CORO1C: variants seen among roughly 807,000 people sequenced by gnomAD.
CORO1C encodes the protein coronin-1C.
A neutral mutation model predicts 51.2 loss-of-function variants in CORO1C; 14 were observed. The ratio of observed to expected loss-of-function variants is 0.27; its 90% confidence interval spans 0.18 to 0.43. The LOEUF (loss-of-function observed/expected upper bound fraction) is 0.43. Among genes scored for constraint, CORO1C ranks in the 20% least tolerant of loss-of-function variants. The probability of loss-of-function intolerance (pLI) is 1.00; values close to 1 mark genes in which losing one functional copy is unlikely to be tolerated. For synonymous variants in CORO1C, 181 were observed against 210.5 expected (o/e 0.86, Z 1.21); for missense variants, 417 against 607.8 (o/e 0.69, Z 3.30).
At chr12:108,647,970 G>A (rs2032445388) in intron 10 of CORO1C, among the ~76,000 whole-genome samples, 1 of 152,184 alleles carries the variant, frequency 6.6e-6, no homozygotes, top group East Asian at 1.9e-4. Context: ...CTTCTTGGGA[G>A]GGAAACCCTT....
At chr12:108,656,457 C>T (rs2033019255) in intron 6 of CORO1C, among the ~76,000 whole-genome samples, 1 of 151,556 alleles carries the variant, frequency 6.6e-6, no homozygotes, top group South Asian at 2.1e-4. Flanking sequence ...CCGGCCACCA[C>T]CCCATCCGGG....
chr12:108,727,373 T>C (rs566973646), intron 1 of CORO1C, among the ~76,000 whole-genome samples: 55 of 152,312 alleles, frequency 3.6e-4, no homozygotes, highest in African/African-American at 1.3e-3. Flanking sequence ...AGAAAGGCGA[T>C]GAAGTAATAA....
intron 1 of CORO1C, among the ~76,000 whole-genome samples, chr12:108,717,447 G>C (rs185475941): frequency 6.6e-6 from 1 of 152,336 alleles, no homozygotes; most frequent in Non-Finnish European, 1.5e-5. Flanking sequence ...AGCTCACGCT[G>C]AATGAAGCTG....
Position 108,679,357 on chromosome 12 carries a change from T to C in CORO1C, c.196-963A>G, listed in dbSNP as rs570114008. ...TGATTAAGAATAAAATGCTTAATGT[T>C]GGTCATAAATAGCTACCACAATTTG... On this transcript the variant is annotated intron_variant, in intron 2 of 10. Coordinates refer to ENST00000261401, the MANE Select transcript of CORO1C (RefSeq NM_014325.4). 3.3e-5 allele frequency among the ~76,000 whole-genome samples: 5 copies of C among 152,270 alleles called. No individual in the cohort carries two copies. The East Asian group carries it at 7.7e-4, about 23-fold the overall frequency.
intron 2 of CORO1C, among the ~76,000 whole-genome samples, chr12:108,679,845 A>G (rs2034061035): frequency 6.6e-6 from 1 of 152,252 alleles, no homozygotes; most frequent in Non-Finnish European, 1.5e-5. Context: ...CTCATTCGTC[A>G]TCTGTAAAAT....
At chr12:108,727,361 G>C (rs2035617362) in intron 1 of CORO1C, among the ~76,000 whole-genome samples, 1 of 152,222 alleles carries the variant, frequency 6.6e-6, no homozygotes, top group Admixed American at 6.5e-5. Context: ...GATTCTAGAA[G>C]TAGAAAGGCG....
At chr12:108,656,463 C>A (rs1473198402) in intron 6 of CORO1C, among the ~76,000 whole-genome samples, 1 of 150,768 alleles carries the variant, frequency 6.6e-6, no homozygotes, top group Non-Finnish European at 1.5e-5. Context: ...ACCACCCCAT[C>A]CGGGAGGTGG....
intron 1 of CORO1C, chr12:108,703,050 C>T (rs2136867544): frequency 8.7e-7 from 1 of 1,149,346 alleles, no homozygotes; most frequent in Non-Finnish European, 1.2e-6. Flanking sequence ...GATAAGACAG[C>T]TTCCATGAGG....
At chr12:108,653,078 T>C (rs768798067) in intron 7 of CORO1C, 12 of 152,346 alleles carry the variant, frequency 7.9e-5, no homozygotes, top group Non-Finnish European at 1.2e-4. Context: ...AGAGGAGATA[T>C]ACATATATGT....
chr12:108,662,190 G>A (rs377069697), intron 3 of CORO1C, 32 bp from the exon 4 acceptor site: 79 of 1,603,320 alleles, frequency 4.9e-5, no homozygotes, highest in Non-Finnish European at 6.5e-5. Context: ...TGATCCACAT[G>A]AAAGCTATTG....
intron 2 of CORO1C, among the ~76,000 whole-genome samples, chr12:108,695,252 A>G (rs1167486137): frequency 6.6e-6 from 1 of 152,252 alleles, no homozygotes; most frequent in African/African-American, 2.4e-5. Flanking sequence ...GAGACAAAGT[A>G]GCAGCCAGTG....
intron 3 of CORO1C, among the ~76,000 whole-genome samples, chr12:108,665,302 T>C (rs987733567): frequency 2.0e-5 from 3 of 152,216 alleles, no homozygotes; most frequent in African/African-American, 7.2e-5. Context: ...GTGTTCCTTC[T>C]TTACCTCACC....
At chr12:108,668,086 T>G (rs1361049276) in intron 3 of CORO1C, among the ~76,000 whole-genome samples, 1 of 152,190 alleles carries the variant, frequency 6.6e-6, no homozygotes, top group Non-Finnish European at 1.5e-5. Flanking sequence ...AGACCCTATT[T>G]TTCCATTCCT....
At chr12:108,728,374 C>G (rs2035639537) in intron 1 of CORO1C, among the ~76,000 whole-genome samples, 1 of 151,676 alleles carries the variant, frequency 6.6e-6, no homozygotes, top group South Asian at 2.1e-4. Context: ...TACAATACTA[C>G]CACACATATA....
intron 2 of CORO1C, among the ~76,000 whole-genome samples, chr12:108,697,892 C>T (rs150380191): frequency 1.8e-4 from 27 of 152,196 alleles, no homozygotes; most frequent in Non-Finnish European, 3.5e-4. Flanking sequence ...AAATGTATAA[C>T]CATTATTCAA....
intron 3 of CORO1C, among the ~76,000 whole-genome samples, chr12:108,665,452 G>A (rs1177218411): frequency 6.6e-6 from 1 of 152,012 alleles, no homozygotes; most frequent in East Asian, 1.9e-4. Flanking sequence ...ATCTAGTACT[G>A]GGTAACTAAA....
chr12:108,648,415 G>A (rs914657301), intron 10 of CORO1C, among the ~76,000 whole-genome samples, 190 bp downstream of exon 10: 1 of 152,110 alleles, frequency 6.6e-6, no homozygotes, highest in African/African-American at 2.4e-5. Flanking sequence ...CTTTAACTCC[G>A]TTAAAGGAGG....
At chr12:108,715,567 G>GAAAAAGCATTGCTGAAGA (rs2035306063) in intron 1 of CORO1C, among the ~76,000 whole-genome samples, 1 of 151,954 alleles carries the variant, frequency 6.6e-6, no homozygotes, top group Non-Finnish European at 1.5e-5. Context: ...CTGGAGCTTT[G>GAAAAAGCATTGCTGAAGA]AAAAAGCATT....
intron 2 of CORO1C, among the ~76,000 whole-genome samples, chr12:108,698,698 TG>T (rs1454315922): frequency 6.6e-6 from 1 of 152,264 alleles, no homozygotes; most frequent in Non-Finnish European, 1.5e-5. Context: ...TGGGCCACTG[TG>T]CCCGGCCAGA....
Sources: allele counts gnomAD v4.1 joint callset (sites outside exome capture counted in the v4.1 genomes callset), GRCh38; gene constraint gnomAD v4.1.1; transcripts MANE v1.5; gene names NCBI Gene and HGNC (gene_info 2026-07-23, HGNC 2026-07-21).